ENPP1: variants seen among roughly 807,000 people sequenced by gnomAD.
The protein encoded by ENPP1 is ectonucleotide pyrophosphatase/phosphodiesterase family member 1.
In ENPP1, 73 loss-of-function variants were observed where a neutral mutation model predicts 122.8. The ratio of observed to expected loss-of-function variants is 0.59; its 90% CI spans 0.49 to 0.72. ENPP1 has a LOEUF of 0.72. ENPP1 is among the 30% of genes least tolerant of loss of function. The pLI, the probability that ENPP1 is intolerant of heterozygous loss-of-function variation, is 0.00. For synonymous variants in ENPP1, 367 were observed against 391.6 expected, an observed-to-expected ratio of 0.94 and a Z score of 0.74; for missense variants, 978 against 1,128.1, an observed-to-expected ratio of 0.87 and a Z score of 1.91.
chr6:131,854,522 A>C (rs1781921179), intron 5 of ENPP1, among the ~76,000 whole-genome samples: 1 of 152,202 alleles, frequency 6.6e-6, no homozygotes, highest in Non-Finnish European at 1.5e-5. Flanking sequence ...GTGGTTCAGG[A>C]AGAATATTTA....
At chr6:131,825,613 A>C (rs1050680566) in intron 1 of ENPP1, among the ~76,000 whole-genome samples, 5 of 152,220 alleles carry the variant, frequency 3.3e-5, no homozygotes, top group African/African-American at 7.2e-5. Context: ...TTTTTAAAAA[A>C]TACCTTGATA....
At chr6:131,864,478 T>G in intron 9 of ENPP1, 28 bp from the exon 10 acceptor site, 1 of 1,489,358 alleles carries the variant, frequency 6.7e-7, no homozygotes, top group Non-Finnish European at 9.4e-7. Flanking sequence ...GTCAGCCATC[T>G]TTTATTTTTG....
chr6:131,882,558 A>G, intron 21 of ENPP1, 84 bp downstream of exon 21: 1 of 660,774 alleles, frequency 1.5e-6, no homozygotes, highest in South Asian at 1.6e-5. Flanking sequence ...ATTATAGGGT[A>G]ATATATATAT....
At position 131,825,272 on chromosome 6, in the gene ENPP1, T is replaced by C. The variant is rs528545875; in HGVS notation, c.240+16997T>C. Among the ~76,000 whole-genome samples, 275 of 152,292 alleles carry C rather than the reference T, an allele frequency of 1.8e-3. 1 individual carries two copies. The highest frequency in any genetic ancestry group is 6.8e-3 in the Middle Eastern group (2 of 294). On this transcript the variant is annotated intron_variant, in intron 1 of 24. Coordinates refer to ENST00000647893, the MANE Select transcript of ENPP1 (RefSeq NM_006208.3). ...TGACACTAACAAATCAAAGGGAGCC[T>C]GAAAATAGAAGAGCACACTGTCTTT... is the stretch of plus-strand genomic sequence containing the variant.
At chr6:131,847,722 G>A in intron 1 of ENPP1, 54 bp from the exon 2 acceptor site, 1 of 1,252,428 alleles carries the variant, frequency 8.0e-7, no homozygotes, top group African/African-American at 1.5e-5. Flanking sequence ...TAAAAAATAA[G>A]ATAAAATATT....
At chr6:131,876,777 A>G (rs1374668382) in intron 17 of ENPP1, among the ~76,000 whole-genome samples, 1 of 152,230 alleles carries the variant, frequency 6.6e-6, no homozygotes, top group Non-Finnish European at 1.5e-5. Context: ...AATATCAGAA[A>G]TTTTGTAGTG....
chr6:131,853,366 A>G (rs1781904816), intron 5 of ENPP1, among the ~76,000 whole-genome samples: 1 of 152,124 alleles, frequency 6.6e-6, no homozygotes, highest in Admixed American at 6.6e-5. Context: ...TTTCTTCTAA[A>G]TATTGCTTAT....
intron 24 of ENPP1, among the ~76,000 whole-genome samples, chr6:131,888,053 G>C (rs182220393): frequency 2.1e-4 from 32 of 151,938 alleles, no homozygotes; most frequent in African/African-American, 6.3e-4. Context: ...GTGGAGATGG[G>C]GTTTCGCCGT....
chr6:131,879,033 C>G (rs1782268971), intron 19 of ENPP1, among the ~76,000 whole-genome samples: 2 of 152,204 alleles, frequency 1.3e-5, no homozygotes, highest in Non-Finnish European at 2.9e-5. Context: ...ACACAGACAA[C>G]TGATGAAATT....
chr6:131,835,840 T>C (rs1270472399), intron 1 of ENPP1, among the ~76,000 whole-genome samples: 1 of 152,194 alleles, frequency 6.6e-6, no homozygotes, highest in African/African-American at 2.4e-5. Flanking sequence ...CCTAACATTA[T>C]ATTAGATTTA....
At position 131,882,330 on chromosome 6, in the gene ENPP1, AT is replaced by A. The variant is rs397832689; in HGVS notation, c.2101-11del. ...TGCCTGATATCTGAGAGTTCTTCTC[AT>A]TTTCGTTCTTCAGGACAGTTTCTCT... On this transcript the variant is annotated splice_polypyrimidine_tract_variant and intron_variant, in intron 20 of 24. Coordinates refer to ENST00000647893, the MANE Select transcript of ENPP1 (RefSeq NM_006208.3). The A allele has an allele frequency of 0.26, 415,406 of 1,589,426 alleles. 69,191 individuals carry two copies. The highest frequency in any genetic ancestry group is 0.78 in the African/African-American group (57,437 of 73,886).
intron 1 of ENPP1, among the ~76,000 whole-genome samples, chr6:131,813,520 A>G (rs1781379663): frequency 6.8e-6 from 1 of 147,842 alleles, no homozygotes; most frequent in African/African-American, 2.5e-5. Context: ...ACAGAGCAAG[A>G]CTCTGTCTCA....
intron 4 of ENPP1, chr6:131,851,479 T>TTCATAA: frequency 1.8e-6 from 1 of 561,802 alleles, no homozygotes; most frequent in Non-Finnish European, 3.1e-6. Flanking sequence ...ATCACCCAGC[T>TTCATAA]TCATAATTAT....
intron 24 of ENPP1, among the ~76,000 whole-genome samples, chr6:131,888,211 C>A (rs1212363525): frequency 6.8e-6 from 1 of 147,604 alleles, no homozygotes; most frequent in African/African-American, 2.5e-5. Context: ...AAATATATTT[C>A]TTTCAGAGTA....
At position 131,891,863 on chromosome 6, in the gene ENPP1, A is replaced by G. The variant is rs1399092875; in HGVS notation, c.*1352A>G. The G allele has an allele frequency of 6.6e-6, 1 of 150,858 alleles. No individual in the cohort carries two copies. Among genetic ancestry groups the G allele is most frequent in the Non-Finnish European group, 1.5e-5 (1 of 67,846 alleles). The allele number at this position is 150,858 out of a possible 1,614,324, so 9.3% of individuals were successfully genotyped here. A position where few individuals can be genotyped will look rare whatever the true frequency, so the allele number is the denominator to read the frequency against. On this transcript the variant is annotated 3_prime_UTR_variant, in exon 25 of 25. Transcript: ENST00000647893. The stretch of plus-strand genomic sequence containing the variant: ...AGGTAATTTTATTCTTCTGTCTCGA[A>G]GCTCACTGATTCTTTATTCTGTCTA...
Position 131,891,288 on chromosome 6 carries a change from C to T in ENPP1, c.*777C>T, listed in dbSNP as rs34836463. 0.12 allele frequency: 17,794 copies of T among 152,120 alleles called. 1,956 individuals carry two copies. Among genetic ancestry groups the T allele is most frequent in the African/African-American group, 0.3 (12,288 of 41,388 alleles). The allele number at this position is 152,120 out of a possible 1,614,324, so 9.4% of individuals were successfully genotyped here. A position where few individuals can be genotyped will look rare whatever the true frequency, so the allele number is the denominator to read the frequency against. ...ATGGCTTCAAATGTGGCCCTATAGA[C>T]GGTTAAAATTGTACCTTATCTTGGC... On this transcript the variant is annotated 3_prime_UTR_variant, in exon 25 of 25. Coordinates refer to ENST00000647893, the MANE Select transcript of ENPP1 (RefSeq NM_006208.3).
chr6:131,889,070 C>T (rs1782425349), intron 24 of ENPP1, among the ~76,000 whole-genome samples: 1 of 152,166 alleles, frequency 6.6e-6, no homozygotes, highest in African/African-American at 2.4e-5. Flanking sequence ...CTCATAAAAA[C>T]TAGTATTTGT....
At chr6:131,866,119 T>A (rs1157974602) in intron 11 of ENPP1, among the ~76,000 whole-genome samples, 1 of 152,120 alleles carries the variant, frequency 6.6e-6, no homozygotes, top group Middle Eastern at 3.2e-3. Flanking sequence ...AAAGTAAGGA[T>A]CTTGACTATT....
At chr6:131,847,119 G>A (rs564765892) in intron 1 of ENPP1, among the ~76,000 whole-genome samples, 5 of 152,246 alleles carry the variant, frequency 3.3e-5, no homozygotes, top group South Asian at 2.1e-4. Flanking sequence ...TTCAGGGCTC[G>A]TTCCCACAAG....
Sources: gnomAD v4.1 joint callset for allele counts (sites outside exome capture counted in the v4.1 genomes callset) on GRCh38, gnomAD v4.1.1 for gene constraint, MANE v1.5 for transcripts, NCBI Gene and HGNC (gene_info 2026-07-23, HGNC 2026-07-21) for gene names.